The following ITCH variants were observed in gnomAD, a reference collection of about 807,000 sequenced individuals.
The protein encoded by ITCH is itchy E3 ubiquitin protein ligase.
A neutral mutation model predicts 126.8 loss-of-function variants in ITCH; 28 were observed. The observed-to-expected ratio is 0.22, with a 90% CI of 0.16 to 0.30. ITCH has a LOEUF of 0.30. ITCH is among the 10% of genes least tolerant of loss of function. ITCH has a pLI of 1.00. For synonymous variants in ITCH, 342 were observed against 340.0 expected (o/e 1.01, Z -0.06); for missense variants, 631 against 1,032.4 (o/e 0.61, Z 5.33).
intron 12 of ITCH, among the ~76,000 whole-genome samples, chr20:34,455,431 A>G (rs1308549655): frequency 1.3e-5 from 2 of 152,102 alleles, no homozygotes; most frequent in African/African-American, 4.8e-5. Flanking sequence ...TTAAAATTTC[A>G]AGTCTACTTA....
Position 34,479,610 on chromosome 20 carries a change from A to C in ITCH, c.1659-20A>C. ...GGTAACCTACAAGATTTTTCATCGT[A>C]AATTTTCTTTTGATTTCAGAGAATG... On this transcript the variant is annotated intron_variant, in intron 17 of 24. Transcript: ENST00000374864. The C allele has an allele frequency of 6.2e-7, 1 of 1,610,832 alleles. No individual in the cohort carries two copies. The highest frequency in any genetic ancestry group is 8.5e-7 in the Non-Finnish European group (1 of 1,177,330).
intron 3 of ITCH, chr20:34,402,371 C>A: frequency 1.2e-6 from 1 of 822,892 alleles, no homozygotes; most frequent in South Asian, 1.3e-5. Context: ...TCTTTGAGAT[C>A]AATTTGGGTC....
chr20:34,468,603 C>T (rs1024040018), intron 14 of ITCH, among the ~76,000 whole-genome samples: 1 of 151,650 alleles, frequency 6.6e-6, no homozygotes, highest in African/African-American at 2.4e-5. Flanking sequence ...CCAGCCTGGC[C>T]AACATGGCTA....
At chr20:34,453,728 T>C (rs997850125) in intron 12 of ITCH, among the ~76,000 whole-genome samples, 1 of 152,186 alleles carries the variant, frequency 6.6e-6, no homozygotes, top group South Asian at 2.1e-4. Flanking sequence ...GTACGGTGGC[T>C]CATGCCTGTA....
intron 16 of ITCH, chr20:34,475,838 C>T: frequency 1.3e-6 from 1 of 744,046 alleles, no homozygotes; most frequent in Admixed American, 2.1e-5. Flanking sequence ...ATACAGAATC[C>T]ACTCATCCAT....
chr20:34,368,303 T>C (rs1034226919), intron 1 of ITCH, among the ~76,000 whole-genome samples: 7 of 151,908 alleles, frequency 4.6e-5, no homozygotes, highest in African/African-American at 1.7e-4. Flanking sequence ...GTGTTAGTAC[T>C]GATAGGAAAT....
chr20:34,396,218 A>G (rs374261918), intron 3 of ITCH, among the ~76,000 whole-genome samples: 205 of 151,504 alleles, frequency 1.4e-3, no homozygotes, highest in African/African-American at 4.7e-3. Context: ...ATTTTTAGTA[A>G]AGACGGGGTT....
chr20:34,466,778 G>A (rs2146397909), intron 14 of ITCH, among the ~76,000 whole-genome samples: 1 of 152,132 alleles, frequency 6.6e-6, no homozygotes, highest in East Asian at 1.9e-4. Context: ...ACAATTTGTG[G>A]GATTTAACTA....
intron 16 of ITCH, among the ~76,000 whole-genome samples, chr20:34,475,625 G>C (rs1021764315): frequency 6.6e-6 from 1 of 151,930 alleles, no homozygotes; most frequent in African/African-American, 2.4e-5. Context: ...GCTTCGGCTC[G>C]GCATCAGAGG....
At chr20:34,374,823 T>C (rs1276184140) in intron 2 of ITCH, among the ~76,000 whole-genome samples, 1 of 151,386 alleles carries the variant, frequency 6.6e-6, no homozygotes, top group East Asian at 1.9e-4. Context: ...AACCTCAACC[T>C]CTGCCTCCCG....
intron 2 of ITCH, among the ~76,000 whole-genome samples, chr20:34,391,776 T>C (rs568072774): frequency 1.7e-4 from 26 of 152,314 alleles, no homozygotes; most frequent in African/African-American, 6.0e-4. Context: ...GGAGAGTCAT[T>C]GTTCTTAAAA....
At chr20:34,461,576 G>A (rs1237425676) in intron 13 of ITCH, among the ~76,000 whole-genome samples, 7 of 152,212 alleles carry the variant, frequency 4.6e-5, no homozygotes, top group Middle Eastern at 3.4e-3. Flanking sequence ...GGGCGTGGGC[G>A]TGGTGGCAGG....
rs1254405667 is a variant in ITCH, at chr20:34,412,673, G to A, written c.337+34G>A. The A allele has an allele frequency of 5.1e-6, 8 of 1,574,836 alleles. No homozygotes were observed. The Admixed American group carries it at 1.2e-4, about 23-fold the overall frequency. ...GTAAGACTAATAGAAATTGCACTTA[G>A]CTGTTTGTTTTTCTGGAAGAAATTT... On this transcript the variant is annotated intron_variant, in intron 5 of 24. Transcript: ENST00000374864.
At chr20:34,456,111 ACT>A (rs1023027883) in intron 12 of ITCH, among the ~76,000 whole-genome samples, 4 of 144,606 alleles carry the variant, frequency 2.8e-5, no homozygotes, top group African/African-American at 1.0e-4. Context: ...ATATATACAC[ACT>A]CTCAAATTAC....
intron 6 of ITCH, among the ~76,000 whole-genome samples, chr20:34,416,108 C>T (rs1410217044): frequency 3.5e-5 from 5 of 141,558 alleles, no homozygotes; most frequent in Admixed American, 7.2e-5. Context: ...GGTGACAGAG[C>T]GAGACTCTGG....
At position 34,489,403 on chromosome 20, in the gene ITCH, C is replaced by T. The variant is rs200838907; in HGVS notation, c.2214+17C>T. 1 of 1,608,656 alleles carries T rather than the reference C, an allele frequency of 6.2e-7. No homozygotes were observed. Among genetic ancestry groups the T allele is most frequent in the Non-Finnish European group, 8.5e-7 (1 of 1,176,606 alleles). On this transcript the variant is annotated intron_variant, in intron 21 of 24. Transcript: ENST00000374864. ...GAATTAGAGGTAATGAATTTTCCTT[C>T]ATTCCCCTGTACCATGCTAGTAAAT...
At chr20:34,366,082 C>T (rs1403270826) in intron 1 of ITCH, among the ~76,000 whole-genome samples, 1 of 151,818 alleles carries the variant, frequency 6.6e-6, no homozygotes, top group South Asian at 2.1e-4. Flanking sequence ...GTGAAAAGGG[C>T]GGGGAAAGAG....
intron 14 of ITCH, among the ~76,000 whole-genome samples, chr20:34,466,724 C>A (rs1309034326): frequency 6.6e-6 from 1 of 152,098 alleles, no homozygotes; most frequent in Non-Finnish European, 1.5e-5. Flanking sequence ...CAAGAAAAAT[C>A]AGGAAATATT....
intron 16 of ITCH, among the ~76,000 whole-genome samples, chr20:34,474,317 G>C (rs928373394): frequency 1.3e-5 from 2 of 152,204 alleles, no homozygotes; most frequent in African/African-American, 2.4e-5. Flanking sequence ...GCGGCCTTCC[G>C]CAGTGTTTGT....
Sources: allele counts gnomAD v4.1 joint callset (sites outside exome capture counted in the v4.1 genomes callset), GRCh38; gene constraint gnomAD v4.1.1; transcripts MANE v1.5; gene names NCBI Gene and HGNC (gene_info 2026-07-23, HGNC 2026-07-21).